Variants in TMOD3 observed in about 807,000 individuals in gnomAD.
TMOD3 encodes the protein tropomodulin-3.
Under a neutral mutation model 39.2 loss-of-function variants are expected in TMOD3, and 20 were observed. The ratio of observed to expected loss-of-function variants is 0.51; its 90% CI spans 0.36 to 0.74. The LOEUF (loss-of-function observed/expected upper bound fraction) is 0.74. TMOD3 is among the 30% of genes least tolerant of loss of function. The probability of loss-of-function intolerance (pLI) is 0.00; values close to 1 mark genes in which losing one functional copy is unlikely to be tolerated. For missense variants in TMOD3, 381 were observed against 412.8 expected (o/e 0.92, Z 0.67); for synonymous variants, 143 against 145.8 (o/e 0.98, Z 0.14).
At chr15:51,905,026 T>C (rs2056671090) in intron 9 of TMOD3, among the ~76,000 whole-genome samples, 1 of 152,176 alleles carries the variant, frequency 6.6e-6, no homozygotes, top group Admixed American at 6.5e-5. Context: ...GAAATGACAA[T>C]AAGCACATTC....
In TMOD3 at chr15:51,889,050, T is replaced by G; in HGVS notation, c.407-6T>G. 6.4e-7 allele frequency: 1 copy of G among 1,558,808 alleles called. No homozygotes were observed. The highest frequency in any genetic ancestry group is 8.7e-7 in the Non-Finnish European group (1 of 1,152,168). ...CAATAAAAACTTTCTTTTTCTGTATTTATAGCAATTCTTGGGATGCACAAT... is the reference window on the plus strand; with the variant it reads ...CAATAAAAACTTTCTTTTTCTGTATGTATAGCAATTCTTGGGATGCACAAT... On this transcript the variant is annotated splice_polypyrimidine_tract_variant and splice_region_variant and intron_variant, in intron 4 of 9. Transcript: ENST00000308580.
rs575535947 is a variant in TMOD3, at chr15:51,911,128, C to G, written c.*2318C>G. 5.1e-4 allele frequency: 78 copies of G among 152,332 alleles called. 1 individual carries two copies. Among genetic ancestry groups the G allele is most frequent in the African/African-American group, 1.9e-3 (78 of 41,578 alleles). 9.4% of individuals were successfully genotyped at this position (152,332 alleles called of 1,614,324 possible). A position where few individuals can be genotyped will look rare whatever the true frequency, so the allele number is the denominator to read the frequency against. ...AGAATTGGTCACCTAGACTTTCAGT[C>G]AGGCATCCTCGTTTGCATTGTCCTG... On this transcript the variant is annotated 3_prime_UTR_variant, in exon 10 of 10. Coordinates refer to ENST00000308580, the MANE Select transcript of TMOD3 (RefSeq NM_014547.5).
At chr15:51,840,282 T>G (rs1325377173) in intron 1 of TMOD3, among the ~76,000 whole-genome samples, 1 of 152,228 alleles carries the variant, frequency 6.6e-6, no homozygotes, top group Non-Finnish European at 1.5e-5. Context: ...TCTCTGCGCT[T>G]AATTGCTTAT....
At chr15:51,908,478 C>T (rs756312353) in intron 9 of TMOD3, among the ~76,000 whole-genome samples, 4 of 152,094 alleles carry the variant, frequency 2.6e-5, no homozygotes, top group Non-Finnish European at 5.9e-5. Context: ...GCTGACCATT[C>T]TGTTTTAGAT....
intron 3 of TMOD3, among the ~76,000 whole-genome samples, chr15:51,875,720 A>G (rs2056499006): frequency 6.9e-6 from 1 of 145,298 alleles, no homozygotes; most frequent in Non-Finnish European, 1.5e-5. Context: ...GGTTCATGCC[A>G]TTCACCTGCC....
chr15:51,890,111 C>A (rs552372684), intron 5 of TMOD3, among the ~76,000 whole-genome samples: 1 of 151,478 alleles, frequency 6.6e-6, no homozygotes, highest in Non-Finnish European at 1.5e-5. Context: ...TACAAAAAAT[C>A]GATTATACTG....
chr15:51,909,009 C>G lies in TMOD3; in HGVS notation c.*199C>G. 2.5e-6 allele frequency: 1 copy of G among 398,774 alleles called. No homozygotes were observed. The highest frequency in any genetic ancestry group is 4.4e-6 in the Non-Finnish European group (1 of 225,000). The allele number at this position is 398,774 out of a possible 1,614,324, so 24.7% of individuals were successfully genotyped here. A position where few individuals can be genotyped will look rare whatever the true frequency, so the allele number is the denominator to read the frequency against. ...TATTCTGAAACATTTCTACTTTCTG[C>G]TAAAATCAATTTTAATTTAGTTTAA... On this transcript the variant is annotated 3_prime_UTR_variant, in exon 10 of 10. Transcript: ENST00000308580.
rs2141713466 is a variant in TMOD3 at position 51,909,360 on chromosome 15, C to T, written c.*550C>T. 1 of 152,718 alleles carries T rather than the reference C, an allele frequency of 6.5e-6. No homozygotes were observed. Among genetic ancestry groups the T allele is most frequent in the South Asian group, 2.1e-4 (1 of 4,828 alleles). 9.5% of individuals were successfully genotyped at this position (152,718 alleles called of 1,614,324 possible). ...TCTGTGTAGGAGCTAAAGCAGGTCT[C>T]CAGGGAGAGAGGGTGGTCGTCTGTG... is the stretch of plus-strand genomic sequence containing the variant. On this transcript the variant is annotated 3_prime_UTR_variant, in exon 10 of 10. Coordinates refer to ENST00000308580, the MANE Select transcript of TMOD3 (RefSeq NM_014547.5).
chr15:51,838,051 C>T (rs1431816776), intron 1 of TMOD3, among the ~76,000 whole-genome samples: 1 of 152,162 alleles, frequency 6.6e-6, no homozygotes, highest in Non-Finnish European at 1.5e-5. Context: ...GTAAGGGCTG[C>T]AGGCGGAAGA....
intron 2 of TMOD3, among the ~76,000 whole-genome samples, chr15:51,864,082 A>G (rs1186174880): frequency 6.6e-6 from 1 of 152,008 alleles, no homozygotes; most frequent in Non-Finnish European, 1.5e-5. Context: ...CCTGGCCAAC[A>G]TAGTGAACCC....
intron 2 of TMOD3, among the ~76,000 whole-genome samples, chr15:51,866,646 A>T (rs769911571): frequency 6.6e-6 from 1 of 152,202 alleles, no homozygotes; most frequent in African/African-American, 2.4e-5. Flanking sequence ...TGAAATAGCA[A>T]TATATACATC....
chr15:51,907,020 C>CAAA (rs11419380), intron 9 of TMOD3, among the ~76,000 whole-genome samples: 32 of 116,020 alleles, frequency 2.8e-4, no homozygotes, highest in Middle Eastern at 8.8e-3. Context: ...AACTCCGTCT[C>CAAA]AAAAAAAAAA....
chr15:51,886,496 C>T (rs1203317501), intron 3 of TMOD3, among the ~76,000 whole-genome samples: 3 of 152,260 alleles, frequency 2.0e-5, no homozygotes, highest in Non-Finnish European at 4.4e-5. Flanking sequence ...GAAACCCCGT[C>T]TCCACCAAAG....
At chr15:51,862,314 T>G (rs2056423339) in intron 1 of TMOD3, among the ~76,000 whole-genome samples, 1 of 152,242 alleles carries the variant, frequency 6.6e-6, no homozygotes, top group African/African-American at 2.4e-5. Context: ...CAAATGCATC[T>G]TTTCAAAAGA....
At position 51,869,285 on chromosome 15, in the gene TMOD3, TAG is replaced by T. The variant is rs748770015; in HGVS notation, c.200_201del (p.Glu67AlafsTer14). 1 of 1,614,172 alleles carries T rather than the reference TAG, an allele frequency of 6.2e-7. No individual in the cohort carries two copies. The highest frequency in any genetic ancestry group is 1.1e-5 in the South Asian group (1 of 91,074). ...TSKSTTGPFD[R>X]EHLLSYLEKE... ...CAAAGTCCACCACAGGGCCATTTGA[TAG>T]AGAGCATCTCCTTTCATATCTGGAG... is the stretch of plus-strand genomic sequence containing the variant. On this transcript the variant is annotated frameshift_variant, in exon 3 of 10. Transcript: ENST00000308580. LOFTEE classifies it high-confidence loss of function.
At chr15:51,865,743 C>G (rs575546914) in intron 2 of TMOD3, among the ~76,000 whole-genome samples, 3 of 152,244 alleles carry the variant, frequency 2.0e-5, no homozygotes, top group Non-Finnish European at 4.4e-5. Flanking sequence ...GTAGTAGCAG[C>G]TACTTCAGCC....
At chr15:51,844,277 C>T (rs1440326063) in intron 1 of TMOD3, among the ~76,000 whole-genome samples, 1 of 152,024 alleles carries the variant, frequency 6.6e-6, no homozygotes, top group Non-Finnish European at 1.5e-5. Flanking sequence ...TTGGAAGGAC[C>T]TTGGAGGTCT....
In TMOD3 at chr15:51,908,888, C is replaced by A; in HGVS notation, c.*78C>A. ...GTTGGTGACATCATGTAAAATTTTC[C>A]TGGGTAGAAGGGAAAAGACTGGAAA... On this transcript the variant is annotated 3_prime_UTR_variant, in exon 10 of 10. Transcript: ENST00000308580. The A allele has an allele frequency of 7.5e-7, 1 of 1,333,738 alleles. No individual in the cohort carries two copies. The allele number at this position is 1,333,738 out of a possible 1,614,324, so 82.6% of individuals were successfully genotyped here. A position where few individuals can be genotyped will look rare whatever the true frequency, so the allele number is the denominator to read the frequency against.
chr15:51,877,532 T>G (rs2056510687), intron 3 of TMOD3, among the ~76,000 whole-genome samples: 1 of 152,006 alleles, frequency 6.6e-6, no homozygotes, highest in Non-Finnish European at 1.5e-5. Flanking sequence ...ACAAAAAAAT[T>G]AGCTGGGTGT....
Sources: gnomAD v4.1 joint callset for allele counts (sites outside exome capture counted in the v4.1 genomes callset) on GRCh38, gnomAD v4.1.1 for gene constraint, MANE v1.5 for transcripts, NCBI Gene and HGNC (gene_info 2026-07-23, HGNC 2026-07-21) for gene names.